The following SKAP1 variants were observed in gnomAD, a reference collection of about 807,000 sequenced individuals.
The protein encoded by SKAP1 is src kinase associated phosphoprotein 1, also known as src kinase-associated phosphoprotein 1.
Under a neutral mutation model 58.5 loss-of-function variants are expected in SKAP1, and 44 were observed. That is an observed-to-expected ratio of 0.75 (90% CI 0.59 to 0.97). The LOEUF is 0.97. SKAP1 is among the 50% of genes least tolerant of loss of function. The pLI is 0.00. For synonymous variants in SKAP1, 127 were observed against 149.7 expected (o/e 0.85, Z 1.11); for missense variants, 390 against 435.2 (o/e 0.90, Z 0.92).
At chr17:48,353,113 T>C (rs1022222984) in intron 3 of SKAP1, among the ~76,000 whole-genome samples, 6 of 152,210 alleles carry the variant, frequency 3.9e-5, no homozygotes, top group African/African-American at 1.4e-4. Context: ...AAAGAAGTGG[T>C]CCAATTCATA....
chr17:48,167,242 A>C (rs1408945493), intron 10 of SKAP1, among the ~76,000 whole-genome samples: 1 of 152,202 alleles, frequency 6.6e-6, no homozygotes. Context: ...GCACCAGAGG[A>C]GGAAGAGCAA....
intron 2 of SKAP1, among the ~76,000 whole-genome samples, chr17:48,395,861 T>C (rs1458493299): frequency 2.6e-5 from 4 of 152,214 alleles, no homozygotes; most frequent in Non-Finnish European, 5.9e-5. Context: ...TCTGCTTCTA[T>C]GGAGTTTCAA....
At chr17:48,232,537 T>C (rs1431180431) in intron 4 of SKAP1, among the ~76,000 whole-genome samples, 1 of 152,224 alleles carries the variant, frequency 6.6e-6, no homozygotes, top group Admixed American at 6.5e-5. Flanking sequence ...TTTACAGGCC[T>C]GGGTAAATGT....
the SKAP1 span, among the ~76,000 whole-genome samples, chr17:48,438,694 C>A: frequency 6.6e-6 from 1 of 152,186 alleles, no homozygotes; most frequent in African/African-American, 2.4e-5. Context: ...GATATTAACA[C>A]CTCTTTTCAC....
intron 4 of SKAP1, among the ~76,000 whole-genome samples, chr17:48,210,384 T>C (rs897956055): frequency 6.6e-6 from 1 of 152,212 alleles, no homozygotes; most frequent in African/African-American, 2.4e-5. Context: ...TACAAAGTTC[T>C]ATGAGTAGTT....
At chr17:48,441,361 A>G in the SKAP1 span, among the ~76,000 whole-genome samples, 5 of 152,220 alleles carry the variant, frequency 3.3e-5, no homozygotes, top group Admixed American at 2.6e-4. Flanking sequence ...CAGAACCACA[A>G]GAGCATCAGG....
intron 2 of SKAP1, among the ~76,000 whole-genome samples, chr17:48,390,641 A>T (rs2067332870): frequency 6.6e-6 from 1 of 152,236 alleles, no homozygotes; most frequent in Admixed American, 6.5e-5. Flanking sequence ...TGGGTTAGTC[A>T]GACTGTAAGG....
chr17:48,271,413 C>T (rs1345321450), intron 4 of SKAP1, among the ~76,000 whole-genome samples: 1 of 140,462 alleles, frequency 7.1e-6, no homozygotes, highest in African/African-American at 2.6e-5. Flanking sequence ...TCTGCCTAGG[C>T]CAGAGTGCAG....
At chr17:48,288,599 T>C (rs2065862437) in intron 4 of SKAP1, among the ~76,000 whole-genome samples, 1 of 152,138 alleles carries the variant, frequency 6.6e-6, no homozygotes, top group Non-Finnish European at 1.5e-5. Context: ...GGCAGAAGGC[T>C]CGCTTGAACC....
At chr17:48,430,347 C>T (rs907095762), upstream of SKAP1, 2 of 247,974 alleles carry the variant, frequency 8.1e-6, no homozygotes, top group Admixed American at 5.5e-5. Flanking sequence ...ACGTGGCGCT[C>T]ACGCCGGAGC....
At chr17:48,143,656 G>A (rs1045520738) in intron 11 of SKAP1, among the ~76,000 whole-genome samples, 5 of 152,286 alleles carry the variant, frequency 3.3e-5, no homozygotes, top group Admixed American at 2.0e-4. Flanking sequence ...ATTGTAACTC[G>A]TAAAAACTAG....
At chr17:48,396,940 A>C (rs2067427761) in intron 1 of SKAP1, 155 bp from the exon 2 acceptor site, 2 of 185,726 alleles carry the variant, frequency 1.1e-5, no homozygotes, top group Non-Finnish European at 2.0e-5. Flanking sequence ...AAAAAAAAAA[A>C]CTTTATAGTT....
At chr17:48,344,182 T>TA (rs983486433) in intron 4 of SKAP1, 11 of 339,868 alleles carry the variant, frequency 3.2e-5, no homozygotes, top group Non-Finnish European at 4.6e-5. Context: ...AACTGCTATT[T>TA]AAAAAAAATT....
chr17:48,319,124 AGGAGTATGAAACT>A (rs2036946086), intron 4 of SKAP1, among the ~76,000 whole-genome samples: 2 of 152,212 alleles, frequency 1.3e-5, no homozygotes, highest in Admixed American at 1.3e-4. Context: ...GGAATTGATC[AGGAGTATGAAACT>A]GGAGCTGGAT....
intron 4 of SKAP1, among the ~76,000 whole-genome samples, chr17:48,309,950 C>T (rs2066201722): frequency 6.6e-6 from 1 of 152,170 alleles, no homozygotes; most frequent in Non-Finnish European, 1.5e-5. Context: ...AATCTTTGGG[C>T]AATGACAATT....
chr17:48,364,316 C>G (rs569200608), intron 2 of SKAP1, among the ~76,000 whole-genome samples: 1 of 152,210 alleles, frequency 6.6e-6, no homozygotes, highest in African/African-American at 2.4e-5. Flanking sequence ...TACAGTGACA[C>G]AATCATAGCT....
chr17:48,410,208 G>A (rs2067645096), intron 1 of SKAP1, among the ~76,000 whole-genome samples: 1 of 152,164 alleles, frequency 6.6e-6, no homozygotes, highest in Non-Finnish European at 1.5e-5. Context: ...GAGTGGAAAG[G>A]AGGGGAAAAG....
At chr17:48,169,107 AG>A (rs1408481963) in intron 10 of SKAP1, among the ~76,000 whole-genome samples, 1 of 58,178 alleles carries the variant, frequency 1.7e-5, no homozygotes, top group African/African-American at 5.0e-5. Context: ...GAGGAACAAA[AG>A]GTTTTTTTTT....
intron 1 of SKAP1, among the ~76,000 whole-genome samples, chr17:48,425,512 C>T (rs2067846105): frequency 6.6e-6 from 1 of 152,180 alleles, no homozygotes; most frequent in Middle Eastern, 3.4e-3. Flanking sequence ...AGGAATAGAA[C>T]TATAGTTATA....
Sources: allele counts gnomAD v4.1 joint callset (sites outside exome capture counted in the v4.1 genomes callset), GRCh38; gene constraint gnomAD v4.1.1; transcripts MANE v1.5; gene names NCBI Gene and HGNC (gene_info 2026-07-23, HGNC 2026-07-21).